CLCF1: variants seen among roughly 807,000 people sequenced by gnomAD.
CLCF1 encodes cardiotrophin like cytokine factor 1.
A neutral mutation model predicts 21.2 loss-of-function variants in CLCF1; 10 were observed. That is an observed-to-expected ratio of 0.47 (90% CI 0.29 to 0.80). The LOEUF is 0.80. Ranked by LOEUF, CLCF1 falls within the 30% of genes least tolerant of loss-of-function variation. The probability of loss-of-function intolerance (pLI) is 0.09; values close to 1 mark genes in which losing one functional copy is unlikely to be tolerated. For synonymous variants in CLCF1, 115 were observed against 120.5 expected (o/e 0.95, Z 0.30); for missense variants, 240 against 293.4 (o/e 0.82, Z 1.33).
At chr11:67,366,502 G>A (rs76708013) in intron 2 of CLCF1, among the ~76,000 whole-genome samples, 3,829 of 152,256 alleles carry the variant, frequency 0.025, 173 homozygotes, top group African/African-American at 0.087. Context: ...AGTCTCATGA[G>A]TAGGACAGGA....
At chr11:67,370,491 G>A (rs1008344196) in intron 1 of CLCF1, 11 of 980,612 alleles carry the variant, frequency 1.1e-5, no homozygotes, top group Non-Finnish European at 1.1e-5. Context: ...TTATAAATCC[G>A]GCTGAGCACG....
In CLCF1 at chr11:67,372,011, A is replaced by T. The variant is rs1245746825; in HGVS notation, c.16+1513T>A. ...TGGAGCGTGTGGCTCCAGGGCAGCGAGGGTGTCTGAGCTGGCCAGGAGCGC... is the reference window on the plus strand; with the variant it reads ...TGGAGCGTGTGGCTCCAGGGCAGCGTGGGTGTCTGAGCTGGCCAGGAGCGC... On this transcript the variant is annotated intron_variant, in intron 1 of 2. Transcript: ENST00000312438. The surrounding 1 kb of genome is among the most constrained non-coding windows in gnomAD (Gnocchi z 5.9). Among the ~76,000 whole-genome samples the T allele has an allele frequency of 2.0e-5, 3 of 152,016 alleles. No individual in the cohort carries two copies. The highest frequency in any genetic ancestry group is 2.9e-5 in the Non-Finnish European group (2 of 67,992).
chr11:67,372,832 C>G lies in CLCF1; in HGVS notation c.16+692G>C, dbSNP rs1421771781. Among the ~76,000 whole-genome samples the G allele has an allele frequency of 6.7e-6, 1 of 149,854 alleles. No homozygotes were observed. The highest frequency in any genetic ancestry group is 2.4e-5 in the African/African-American group (1 of 41,152). On this transcript the variant is annotated intron_variant, in intron 1 of 2. Coordinates refer to ENST00000312438, the MANE Select transcript of CLCF1 (RefSeq NM_013246.3). The surrounding 1 kb of genome is among the most constrained non-coding windows in gnomAD (Gnocchi z 5.9). Reference sequence around the variant, plus strand: ...TAATCACTCCCAGGCCACGGTGGCCCGGGGGACTCGCGGCCGCCGCCCGCC... The same window carrying G: ...TAATCACTCCCAGGCCACGGTGGCCGGGGGGACTCGCGGCCGCCGCCCGCC...
At chr11:67,374,106 C>T, upstream of CLCF1, 2 of 985,862 alleles carry the variant, frequency 2.0e-6, no homozygotes, top group Non-Finnish European at 2.4e-6. Context: ...TCTAACCTTC[C>T]CTCCTCCTCC....
At chr11:67,370,955 A>T in intron 1 of CLCF1, 3 of 985,386 alleles carry the variant, frequency 3.0e-6, no homozygotes, top group Non-Finnish European at 3.6e-6. Flanking sequence ...GGCTGGGCTG[A>T]ATATGGGAGC....
intron 1 of CLCF1, chr11:67,368,113 G>C (rs1425852987): frequency 2.0e-6 from 2 of 985,314 alleles, no homozygotes; most frequent in African/African-American, 3.5e-5. Context: ...AGCCCTAAGG[G>C]AGGAAGCAGG....
chr11:67,368,999 A>G lies in CLCF1; in HGVS notation c.17-1373T>C, dbSNP rs1029330491. The G allele has an allele frequency of 1.1e-5, 11 of 971,030 alleles. No individual in the cohort carries two copies. In the South Asian group the frequency reaches 1.4e-4, roughly 13 times the overall value. The allele number at this position is 971,030 out of a possible 1,614,324, so 60.2% of individuals were successfully genotyped here. A position where few individuals can be genotyped will look rare whatever the true frequency, so the allele number is the denominator to read the frequency against. On this transcript the variant is annotated intron_variant, in intron 1 of 2. Transcript: ENST00000312438. The stretch of plus-strand genomic sequence containing the variant: ...TACTCTCAGATTTTTCTATAATGAC[A>G]TAGGTTGCTTTGATAGGCAGAAATA...
intron 1 of CLCF1, chr11:67,368,178 G>A: frequency 2.0e-6 from 2 of 985,434 alleles, no homozygotes; most frequent in Non-Finnish European, 1.2e-6. Context: ...TATAGGGTTA[G>A]ACCACTAGGG....
At chr11:67,371,363 C>A (rs1018846127) in intron 1 of CLCF1, among the ~76,000 whole-genome samples, 1 of 152,192 alleles carries the variant, frequency 6.6e-6, no homozygotes, top group African/African-American at 2.4e-5. Context: ...ACAAGGAGGT[C>A]ACATTATGCA....
chr11:67,371,483 CCAGGGGA>C (rs1385870332), intron 1 of CLCF1, among the ~76,000 whole-genome samples: 2 of 152,216 alleles, frequency 1.3e-5, no homozygotes, highest in Non-Finnish European at 2.9e-5. Context: ...TCACTGAGGC[CCAGGGGA>C]AGAAGCTGAG....
At chr11:67,368,476 G>A in intron 1 of CLCF1, 14 of 985,368 alleles carry the variant, frequency 1.4e-5, no homozygotes, top group Non-Finnish European at 1.7e-5. Context: ...CAGGATACCA[G>A]GAGTCCAGAG....
In CLCF1 at chr11:67,373,009, GCCGCCCGCCCTTCCTC is replaced by G. The variant is rs1238647529; in HGVS notation, c.16+499_16+514del. On this transcript the variant is annotated intron_variant, in intron 1 of 2. Transcript: ENST00000312438. ...GGCGCTGCCCTCCGCCCTCCTCTCC[GCCGCCCGCCCTTCCTC>G]CCGCCCGCCCTCCTACCCCTCCCGG... Among the ~76,000 whole-genome samples, 144 of 150,126 alleles carry G rather than the reference GCCGCCCGCCCTTCCTC, an allele frequency of 9.6e-4. 1 individual carries two copies. In the East Asian group the frequency reaches 0.017, roughly 18 times the overall value.
Position 67,372,279 on chromosome 11 carries a change from G to C in CLCF1, c.16+1245C>G, listed in dbSNP as rs903803260. 2.6e-5 allele frequency among the ~76,000 whole-genome samples: 4 copies of C among 152,148 alleles called. No homozygotes were observed. In the East Asian group the frequency reaches 5.9e-4, roughly 22 times the overall value. ...TCTCCTGGTAGCCCCTCACACCCCG[G>C]GGGGAGGGCCAGGCTGGGAGCTGGG... On this transcript the variant is annotated intron_variant, in intron 1 of 2. Coordinates refer to ENST00000312438, the MANE Select transcript of CLCF1 (RefSeq NM_013246.3). This position sits in a 1 kb window ranked among gnomAD's most constrained non-coding sequence, Gnocchi z 5.9.
chr11:67,373,543 G>C lies in CLCF1; in HGVS notation c.-4C>G, dbSNP rs1213601755. ...TCCTACCTGCTCGGAGGTCCATGGG[G>C]CTGGGGCCGGGCCGGCCGGGTGCGG... On this transcript the variant is annotated 5_prime_UTR_variant, in exon 1 of 3. Transcript: ENST00000312438. 4 of 1,408,300 alleles carry C rather than the reference G, an allele frequency of 2.8e-6. No individual in the cohort carries two copies. The highest frequency in any genetic ancestry group is 1.5e-5 in the African/African-American group (1 of 66,650). The allele number at this position is 1,408,300 out of a possible 1,614,324, so 87.2% of individuals were successfully genotyped here. A position where few individuals can be genotyped will look rare whatever the true frequency, so the allele number is the denominator to read the frequency against.
Position 67,370,352 on chromosome 11 carries a change from C to T in CLCF1, c.17-2726G>A, listed in dbSNP as rs1862202148. The T allele has an allele frequency of 6.1e-6, 6 of 985,142 alleles. No homozygotes were observed. In the South Asian group the frequency reaches 2.8e-4, roughly 46 times the overall value. The allele number at this position is 985,142 out of a possible 1,614,324, so 61.0% of individuals were successfully genotyped here. A position where few individuals can be genotyped will look rare whatever the true frequency, so the allele number is the denominator to read the frequency against. On this transcript the variant is annotated intron_variant, in intron 1 of 2. Coordinates refer to ENST00000312438, the MANE Select transcript of CLCF1 (RefSeq NM_013246.3). ...CTCATGTTGTGCAGGTGGACCCCGG[C>T]CACTGGGGCTGTGTCCTAGGTCCCC...
intron 2 of CLCF1, 57 bp downstream of exon 2, chr11:67,367,403 T>C: frequency 1.9e-6 from 3 of 1,613,264 alleles, no homozygotes. Flanking sequence ...GTTAGGACTG[T>C]CTTTCCCCAA....
chr11:67,367,343 G>A (rs1862132153), intron 2 of CLCF1, 117 bp downstream of exon 2: 1 of 1,505,160 alleles, frequency 6.6e-7, no homozygotes, highest in Non-Finnish European at 9.2e-7. Context: ...GGGGACTGGT[G>A]GGAGCCAAAG....
rs1199106923 is a variant in CLCF1 at position 67,365,171 on chromosome 11, C to T, written c.643G>A (p.Ala215Thr). 2 of 1,614,024 alleles carry T rather than the reference C, an allele frequency of 1.2e-6. No individual in the cohort carries two copies. The highest frequency in any genetic ancestry group is 1.7e-6 in the Non-Finnish European group (2 of 1,180,038). Residue 215 changes from alanine to threonine, a missense_variant, in exon 3 of 3, where the codon GCA becomes ACA. By Grantham distance (58) the Ala-to-Thr change is moderately conservative. Transcript: ENST00000312438. This position sits in a 1 kb window ranked among gnomAD's most constrained non-coding sequence, Gnocchi z 5.0. ...LKKKMQPPAA[A>T]VTLHLGAHGF The stretch of plus-strand genomic sequence containing the variant: ...TGAGCCCCCAGGTGCAGGGTGACTG[C>T]AGCTGCTGGAGGCTGCATCTTCTTC...
At chr11:67,368,207 C>T (rs1397521280) in intron 1 of CLCF1, 57 of 985,132 alleles carry the variant, frequency 5.8e-5, no homozygotes, top group Non-Finnish European at 6.6e-5. Flanking sequence ...CCTTATGGGG[C>T]TTAGTTTTGG....
Sources: allele counts gnomAD v4.1 joint callset (sites outside exome capture counted in the v4.1 genomes callset), GRCh38; gene constraint gnomAD v4.1.1; non-coding constraint Gnocchi (gnomAD v3.1); transcripts MANE v1.5; gene names NCBI Gene and HGNC (gene_info 2026-07-23, HGNC 2026-07-21).